CDK2AP1: variants seen among roughly 807,000 people sequenced by gnomAD.
CDK2AP1 encodes cyclin dependent kinase 2 associated protein 1.
CDK2AP1 carries 10 observed loss-of-function variants against 14.1 expected under a neutral mutation model. The ratio of observed to expected loss-of-function variants is 0.71; its 90% CI spans 0.44 to 1.20. The LOEUF is 1.20. CDK2AP1 is among the 50% of genes most tolerant of loss of function. The pLI is 0.00. For synonymous variants in CDK2AP1, 59 were observed against 59.8 expected, an observed-to-expected ratio of 0.99 and a Z score of 0.06; for missense variants, 102 against 149.9, an observed-to-expected ratio of 0.68 and a Z score of 1.67.
intron 1 of CDK2AP1, chr12:123,268,241 C>T (rs551900545): frequency 2.0e-5 from 20 of 985,432 alleles, no homozygotes; most frequent in Admixed American, 6.1e-5. Context: ...ACACAGTGGG[C>T]GCCGCAGACT....
chr12:123,267,579 C>T (rs753561024), intron 1 of CDK2AP1: 43 of 358,224 alleles, frequency 1.2e-4, no homozygotes, highest in Non-Finnish European at 1.9e-4. Flanking sequence ...TATTGCCACT[C>T]CTGGCCTGAA....
At chr12:123,271,455 C>A in intron 1 of CDK2AP1, 109 bp downstream of exon 1, 3 of 463,884 alleles carry the variant, frequency 6.5e-6, no homozygotes, top group Non-Finnish European at 8.5e-6. Context: ...GGACCCTGAG[C>A]CCCCCGCCCC....
Position 123,271,596 on chromosome 12 carries a change from G to A in CDK2AP1, c.23C>T (p.Ala8Val), listed in dbSNP as rs1362472099. The change falls in exon 1 of 4, where the codon GCC becomes GTC. Residue 8 changes from alanine (A) to valine (V), a missense_variant. Physicochemically the swap from Ala to Val is moderately conservative, Grantham distance 64. Around this residue, in one of 2 missense-constraint regions of CDK2AP1, gnomAD observed 50 missense variants for 42.7 expected, o/e 1.17. Coordinates refer to ENST00000261692, the MANE Select transcript of CDK2AP1 (RefSeq NM_004642.4). MSYKPNL[A>V]AHMPAAALNA... ...GAGGGCGGCGGCGGGCATGTGCGCG[G>A]CCAAGTTCGGTTTGTAAGACATCCC... is the stretch of plus-strand genomic sequence containing the variant. 2.0e-6 allele frequency: 2 copies of A among 1,007,752 alleles called. No individual in the cohort carries two copies. Among genetic ancestry groups the A allele is most frequent in the Admixed American group, 5.2e-5 (1 of 19,338 alleles). 62.4% of individuals were successfully genotyped at this position (1,007,752 alleles called of 1,614,324 possible). A position where few individuals can be genotyped will look rare whatever the true frequency, so the allele number is the denominator to read the frequency against.
Position 123,261,332 on chromosome 12 carries a change from A to C in CDK2AP1, c.*404T>G, listed in dbSNP as rs2048230704. On this transcript the variant is annotated 3_prime_UTR_variant, in exon 4 of 4. Transcript: ENST00000261692. ...GGCTACTAAGTAAAGCGTGCTGTCA[A>C]TATGCGTTCAAAACAAAATCCCTAC... is the stretch of plus-strand genomic sequence containing the variant. The C allele has an allele frequency of 5.9e-6, 1 of 168,194 alleles. No homozygotes were observed. Among genetic ancestry groups the C allele is most frequent in the African/African-American group, 2.4e-5 (1 of 41,650 alleles). The allele number at this position is 168,194 out of a possible 1,614,324, so 10.4% of individuals were successfully genotyped here.
At chr12:123,270,657 A>G (rs993017830) in intron 1 of CDK2AP1, among the ~76,000 whole-genome samples, 23 of 152,142 alleles carry the variant, frequency 1.5e-4, no homozygotes, top group Admixed American at 1.3e-4. Context: ...CCCTGGGCTC[A>G]GCCCGAAGCT....
At position 123,270,783 on chromosome 12, in the gene CDK2AP1, TG is replaced by T. The variant is rs1374694488; in HGVS notation, c.55+780del. On this transcript the variant is annotated intron_variant, in intron 1 of 3. Transcript: ENST00000261692. ...TCGAGGGCCTTCCAGGGCCAGCCCTTGGGGGCTCCCAGATGGGGCGTCCACG... is the reference window on the plus strand; with the variant it reads ...TCGAGGGCCTTCCAGGGCCAGCCCTTGGGGCTCCCAGATGGGGCGTCCACG... 8.3e-6 allele frequency: 8 copies of T among 965,780 alleles called. No homozygotes were observed. The African/African-American group carries it at 1.2e-4, about 15-fold the overall frequency. The allele number at this position is 965,780 out of a possible 1,614,324, so 59.8% of individuals were successfully genotyped here.
In CDK2AP1 at chr12:123,261,516, A is replaced by C. The variant is rs2048232508; in HGVS notation, c.*220T>G. ...TTTAAATCAATGCTTAAAAAACAAA[A>C]AAAACCTGGGCAGTTCCTAACTACT... On this transcript the variant is annotated 3_prime_UTR_variant, in exon 4 of 4. Coordinates refer to ENST00000261692, the MANE Select transcript of CDK2AP1 (RefSeq NM_004642.4). 2.1e-6 allele frequency: 1 copy of C among 474,988 alleles called. No homozygotes were observed. Among genetic ancestry groups the C allele is most frequent in the Middle Eastern group, 5.6e-4 (1 of 1,774 alleles). The allele number at this position is 474,988 out of a possible 1,614,324, so 29.4% of individuals were successfully genotyped here.
intron 1 of CDK2AP1, chr12:123,270,837 G>A: frequency 1.0e-6 from 1 of 985,312 alleles, no homozygotes; most frequent in Non-Finnish European, 1.2e-6. Flanking sequence ...GCCCGCGCGC[G>A]GGCCCCAGCA....
Position 123,271,626 on chromosome 12 carries a change from G to GGCGGCGGGC in CDK2AP1, c.-17_-9dup. ...GTTCGGTTTGTAAGACATCCCCCCGGGCGGCGGGCGCGCCGGGCGCGGCGG... is the reference window on the plus strand; with the variant it reads ...GTTCGGTTTGTAAGACATCCCCCCGGGCGGCGGGCGCGGCGGGCGCGCCGGGCGCGGCGG... On this transcript the variant is annotated 5_prime_UTR_variant, in exon 1 of 4. Transcript: ENST00000261692. The GGCGGCGGGC allele has an allele frequency of 1.0e-6, 1 of 988,162 alleles. No homozygotes were observed. Among genetic ancestry groups the GGCGGCGGGC allele is most frequent in the South Asian group, 4.4e-5 (1 of 22,482 alleles). The allele number at this position is 988,162 out of a possible 1,614,324, so 61.2% of individuals were successfully genotyped here.
chr12:123,268,086 C>A, intron 1 of CDK2AP1: 1 of 714,544 alleles, frequency 1.4e-6, no homozygotes, highest in Non-Finnish European at 1.7e-6. Flanking sequence ...GAGCACGCGG[C>A]CCCGCAATGG....
At chr12:123,262,816 A>C (rs2048246643) in intron 3 of CDK2AP1, among the ~76,000 whole-genome samples, 1 of 152,194 alleles carries the variant, frequency 6.6e-6, no homozygotes, top group African/African-American at 2.4e-5. Context: ...GCTGGATTAC[A>C]GGCATGCACC....
At chr12:123,264,276 T>G (rs1277848021) in intron 3 of CDK2AP1, among the ~76,000 whole-genome samples, 3 of 151,954 alleles carry the variant, frequency 2.0e-5, no homozygotes, top group Non-Finnish European at 2.9e-5. Context: ...CTGACCAACT[T>G]GGAGAAACCC....
intron 2 of CDK2AP1, among the ~76,000 whole-genome samples, chr12:123,266,717 G>A (rs1250964044): frequency 6.6e-6 from 1 of 152,238 alleles, no homozygotes; most frequent in African/African-American, 2.4e-5. Flanking sequence ...GCCTCGCCCA[G>A]GCCACACTCT....
At chr12:123,268,095 G>T in intron 1 of CDK2AP1, 1 of 774,024 alleles carries the variant, frequency 1.3e-6, no homozygotes, top group Non-Finnish European at 1.6e-6. Flanking sequence ...GCCCCGCAAT[G>T]GCGTCCCAGT....
intron 3 of CDK2AP1, among the ~76,000 whole-genome samples, chr12:123,263,925 T>A (rs190283259): frequency 2.0e-5 from 3 of 151,190 alleles, no homozygotes; most frequent in Non-Finnish European, 4.4e-5. Flanking sequence ...CCAACCAACA[T>A]GGCGAAACCT....
chr12:123,267,180 C>CAT lies in CDK2AP1; in HGVS notation c.153+3_153+4dup, dbSNP rs775778433. The CAT allele has an allele frequency of 1.9e-6, 3 of 1,551,936 alleles. No homozygotes were observed. The South Asian group carries it at 3.3e-5, about 17-fold the overall frequency. On this transcript the variant is annotated splice_donor_region_variant and intron_variant, in intron 2 of 3. Transcript: ENST00000261692. ...CCCACCATGCCATCACCCCCATTGA[C>CAT]ATACCTGGGTGTAGCCTAGGGACGG...
At position 123,265,148 on chromosome 12, in the gene CDK2AP1, A is replaced by G. The variant is rs1207288403; in HGVS notation, c.280+48T>C. ...TTTCCCCAAAAGTCTTTCCAGAGTTAAAGGTCTAGCACTGTGGTCACCGAC... is the reference window on the plus strand; with the variant it reads ...TTTCCCCAAAAGTCTTTCCAGAGTTGAAGGTCTAGCACTGTGGTCACCGAC... On this transcript the variant is annotated intron_variant, in intron 3 of 3. Coordinates refer to ENST00000261692, the MANE Select transcript of CDK2AP1 (RefSeq NM_004642.4). The surrounding 1 kb of genome is among the most constrained non-coding windows in gnomAD (Gnocchi z 5.3). 6.2e-7 allele frequency: 1 copy of G among 1,610,346 alleles called. No homozygotes were observed. Among genetic ancestry groups the G allele is most frequent in the African/African-American group, 1.3e-5 (1 of 74,858 alleles).
At chr12:123,264,462 C>CAAAAAAAAAAAAAAAAAAAAAAAAAAA (rs1167157405) in intron 3 of CDK2AP1, among the ~76,000 whole-genome samples, 4 of 69,860 alleles carry the variant, frequency 5.7e-5, no homozygotes, top group Non-Finnish European at 7.3e-5. Context: ...CTCCGTCTCC[C>CAAAAAAAAAAAAAAAAAAAAAAAAAAA]AAAAAAAAAA....
Position 123,265,422 on chromosome 12 carries a change from G to A in CDK2AP1, c.154-100C>T. The A allele has an allele frequency of 8.7e-7, 1 of 1,153,776 alleles. No individual in the cohort carries two copies. Among genetic ancestry groups the A allele is most frequent in the South Asian group, 1.3e-5 (1 of 74,736 alleles). 71.5% of individuals were successfully genotyped at this position (1,153,776 alleles called of 1,614,324 possible). A position where few individuals can be genotyped will look rare whatever the true frequency, so the allele number is the denominator to read the frequency against. ...GGAGGCTGAGGCAGGAGAACTGCTT[G>A]GACCCAGGAGGTGGAAGTTGCAGTG... On this transcript the variant is annotated intron_variant, in intron 2 of 3. Coordinates refer to ENST00000261692, the MANE Select transcript of CDK2AP1 (RefSeq NM_004642.4). This position sits in a 1 kb window ranked among gnomAD's most constrained non-coding sequence, Gnocchi z 5.3.
Sources: gnomAD v4.1 joint callset for allele counts (sites outside exome capture counted in the v4.1 genomes callset) on GRCh38, gnomAD v4.1.1 for gene constraint, gnomAD v4.1.1 regional missense constraint, Gnocchi (gnomAD v3.1) non-coding constraint, MANE v1.5 for transcripts, NCBI Gene and HGNC (gene_info 2026-07-23, HGNC 2026-07-21) for gene names.